Variants in KIF27 observed in about 807,000 individuals in gnomAD.
KIF27 encodes the protein kinesin family member 27, also known as kinesin-like protein KIF27.
A neutral mutation model predicts 141.8 loss-of-function variants in KIF27; 84 were observed. The ratio of observed to expected loss-of-function variants is 0.59; its 90% CI spans 0.50 to 0.71. The LOEUF is 0.71. Ranked by LOEUF, KIF27 falls within the 30% of genes least tolerant of loss-of-function variation. KIF27 has a pLI of 0.00. For missense variants in KIF27, 1,306 were observed against 1,628.4 expected (o/e 0.80, Z 3.41); for synonymous variants, 471 against 569.5 (o/e 0.83, Z 2.46).
chr9:83,880,118 T>C, intron 11 of KIF27, 179 bp downstream of exon 11: 5 of 858,894 alleles, frequency 5.8e-6, no homozygotes, highest in South Asian at 1.9e-5. Context: ...GTACTCAAAA[T>C]TCAATAAGTA....
chr9:83,837,383 C>A lies in KIF27; in HGVS notation c.3824G>T (p.Arg1275Ile). 6.2e-7 allele frequency: 1 copy of A among 1,609,950 alleles called. No homozygotes were observed. The highest frequency in any genetic ancestry group is 1.7e-4 in the Middle Eastern group (1 of 6,052). Residue 1275 changes from arginine (R) to isoleucine (I), a missense_variant, in exon 18 of 18, where the codon AGA becomes ATA. By Grantham distance (97) the Arg-to-Ile change is moderately conservative (BLOSUM62 -3). Transcript: ENST00000297814. The part of the protein sequence containing the change: ...SRPESMKLSG[R>I]EREMDSSASS... Reference sequence around the variant, plus strand: ...TGCTGAACTGTCCATTTCTCTTTCTCTTCCACTTAATTTCATACTTTCAGG... The same window carrying A: ...TGCTGAACTGTCCATTTCTCTTTCTATTCCACTTAATTTCATACTTTCAGG...
intron 2 of KIF27, among the ~76,000 whole-genome samples, chr9:83,910,531 G>A (rs1189859248): frequency 2.0e-5 from 3 of 152,190 alleles, no homozygotes; most frequent in Admixed American, 1.3e-4. Context: ...GTGAAAAGGT[G>A]CAAGGAGCTT....
rs981008884 is a variant in KIF27, at chr9:83,909,723, T to C, written c.299-1071A>G. On this transcript the variant is annotated intron_variant, in intron 2 of 17. Transcript: ENST00000297814. ...TCAAAGCAGGTAGATATGGTAGAAA[T>C]GTATATTTTAATATAAATGATAAAA... 2.0e-5 allele frequency among the ~76,000 whole-genome samples: 3 copies of C among 151,450 alleles called. No individual in the cohort carries two copies. In the East Asian group the frequency reaches 5.8e-4, roughly 29 times the overall value.
At chr9:83,861,108 G>A (rs1468013647) in intron 13 of KIF27, among the ~76,000 whole-genome samples, 1 of 151,734 alleles carries the variant, frequency 6.6e-6, no homozygotes, top group Non-Finnish European at 1.5e-5. Context: ...TTTTTCCTCA[G>A]TCAGTGTATC....
chr9:83,898,304 T>C (rs2065516), intron 5 of KIF27, among the ~76,000 whole-genome samples: 102,640 of 152,054 alleles, frequency 0.68, 35,369 homozygotes, highest in African/African-American at 0.8. Context: ...AAAAATATTA[T>C]GATTAAAAAG....
intron 16 of KIF27, among the ~76,000 whole-genome samples, chr9:83,848,323 C>CAGA (rs1948025988): frequency 2.3e-5 from 2 of 86,754 alleles, no homozygotes; most frequent in African/African-American, 9.9e-5. Flanking sequence ...TATCATATAT[C>CAGA]TATATATCTA....
chr9:83,865,707 G>C (rs916940439), intron 13 of KIF27, among the ~76,000 whole-genome samples: 1 of 152,068 alleles, frequency 6.6e-6, no homozygotes. Context: ...TTTCTGTGAA[G>C]TTTTTTTCAG....
intron 14 of KIF27, among the ~76,000 whole-genome samples, chr9:83,856,739 CAAAAAA>C (rs1164022379): frequency 4.7e-5 from 3 of 64,364 alleles, no homozygotes; most frequent in Non-Finnish European, 5.7e-5. Flanking sequence ...GACTCCGTCT[CAAAAAA>C]AAAAAAAAAA....
intron 11 of KIF27, among the ~76,000 whole-genome samples, chr9:83,875,597 C>G (rs1331311444): frequency 2.0e-5 from 3 of 151,960 alleles, no homozygotes; most frequent in Admixed American, 6.6e-5. Flanking sequence ...GAGGAACTCC[C>G]ATATTTAAAA....
chr9:83,874,107 G>A (rs550146166), intron 11 of KIF27, among the ~76,000 whole-genome samples: 1 of 151,682 alleles, frequency 6.6e-6, no homozygotes, highest in South Asian at 2.1e-4. Flanking sequence ...TGTTGCTCCA[G>A]ACAATGCCTT....
At chr9:83,900,958 A>C (rs1953819186) in intron 4 of KIF27, among the ~76,000 whole-genome samples, 1 of 151,878 alleles carries the variant, frequency 6.6e-6, no homozygotes, top group Admixed American at 6.6e-5. Context: ...GCTATTATTT[A>C]TTTATTCATT....
At chr9:83,912,863 T>G (rs1379801136) in intron 2 of KIF27, among the ~76,000 whole-genome samples, 1 of 152,072 alleles carries the variant, frequency 6.6e-6, no homozygotes, top group African/African-American at 2.4e-5. Flanking sequence ...AAGCATCATA[T>G]TTAAAAATAA....
chr9:83,842,497 C>T (rs1946691709), intron 16 of KIF27, 96 bp from the exon 17 acceptor site: 1 of 1,397,950 alleles, frequency 7.2e-7, no homozygotes, highest in Non-Finnish European at 9.3e-7. Context: ...GAGTCTCGCA[C>T]TGTCGCCCAG....
At chr9:83,910,101 A>G (rs1436412001) in intron 2 of KIF27, among the ~76,000 whole-genome samples, 10 of 152,028 alleles carry the variant, frequency 6.6e-5, no homozygotes, top group Non-Finnish European at 1.0e-4. Context: ...GTACTTACAT[A>G]CATAATCTTT....
At chr9:83,904,852 A>G (rs1388056289) in intron 3 of KIF27, among the ~76,000 whole-genome samples, 1 of 152,034 alleles carries the variant, frequency 6.6e-6, no homozygotes, top group Non-Finnish European at 1.5e-5. Context: ...GAAGAGTAAA[A>G]AATTCAATAC....
intron 16 of KIF27, among the ~76,000 whole-genome samples, chr9:83,848,345 GTATCTATATA>G (rs1205231391): frequency 4.0e-5 from 5 of 124,926 alleles, no homozygotes; most frequent in African/African-American, 6.3e-5. Flanking sequence ...ATATATCTAT[GTATCTATATA>G]TATCTACATA....
In KIF27 at chr9:83,903,400, T is replaced by C. The variant is rs1262081344; in HGVS notation, c.1118A>G (p.Gln373Arg). ...GGTAGTTTGGCTGACACCAGCCTGCTGGCTTTGCAAAGCTTCTCGAAGCAA... is the reference window on the plus strand; with the variant it reads ...GGTAGTTTGGCTGACACCAGCCTGCCGGCTTTGCAAAGCTTCTCGAAGCAA... ...IKLLREALQS[Q>R]QAGVSQTTQI... is the part of the protein sequence containing the mutation. Residue 373 changes from glutamine to arginine, a missense_variant, in exon 4 of 18, where the codon CAG (glutamine) becomes CGG (arginine). By Grantham distance (43) the Gln-to-Arg change is conservative. This residue lies in a region of KIF27 where 533 missense variants were observed against 565.6 expected (regional missense o/e 0.94). Transcript: ENST00000297814. 6.2e-7 allele frequency: 1 copy of C among 1,613,990 alleles called. No individual in the cohort carries two copies. Among genetic ancestry groups the C allele is most frequent in the Non-Finnish European group, 8.5e-7 (1 of 1,180,052 alleles).
At chr9:83,854,852 A>G (rs997692225) in intron 14 of KIF27, among the ~76,000 whole-genome samples, 4 of 152,176 alleles carry the variant, frequency 2.6e-5, no homozygotes, top group Non-Finnish European at 5.9e-5. Flanking sequence ...GTGGCAGACT[A>G]TCTTGTCCAT....
At chr9:83,879,922 T>C (rs1951535825) in intron 11 of KIF27, among the ~76,000 whole-genome samples, 1 of 152,220 alleles carries the variant, frequency 6.6e-6, no homozygotes, top group Non-Finnish European at 1.5e-5. Flanking sequence ...GTACTTTTTC[T>C]GTGTAGCCAC....
Sources: gnomAD v4.1 joint callset for allele counts (sites outside exome capture counted in the v4.1 genomes callset) on GRCh38, gnomAD v4.1.1 for gene constraint, gnomAD v4.1.1 regional missense constraint, MANE v1.5 for transcripts, NCBI Gene and HGNC (gene_info 2026-07-23, HGNC 2026-07-21) for gene names.